Variants in GNG12 observed in about 807,000 individuals in gnomAD.
The protein encoded by GNG12 is G protein subunit gamma 12.
For missense variants in GNG12, 69 were observed against 83.8 expected (o/e 0.82, Z 0.69); for synonymous variants, 28 against 29.7 (o/e 0.94, Z 0.19).
chr1:67,753,725 G>T (rs1646552387), intron 2 of GNG12, among the ~76,000 whole-genome samples: 1 of 152,158 alleles, frequency 6.6e-6, no homozygotes, highest in South Asian at 2.1e-4. Flanking sequence ...TAAAGTGTTC[G>T]GTCAGTGGTG....
intron 2 of GNG12, among the ~76,000 whole-genome samples, chr1:67,729,466 C>A (rs754918865): frequency 1.3e-5 from 2 of 152,162 alleles, no homozygotes; most frequent in African/African-American, 4.8e-5. Context: ...CTGAGACCAC[C>A]ACCTTTGCCC....
intron 1 of GNG12, among the ~76,000 whole-genome samples, chr1:67,789,137 C>G (rs116632121): frequency 2.6e-5 from 4 of 152,126 alleles, no homozygotes; most frequent in Non-Finnish European, 5.9e-5. Flanking sequence ...ACATGGCCTT[C>G]GGTCTGCAGA....
chr1:67,820,872 G>T (rs1646980891), intron 1 of GNG12, among the ~76,000 whole-genome samples: 1 of 152,166 alleles, frequency 6.6e-6, no homozygotes, highest in African/African-American at 2.4e-5. Context: ...CTCAATTAGG[G>T]TTTAATAAAT....
chr1:67,807,329 AAAAG>A (rs1646899359), intron 1 of GNG12, among the ~76,000 whole-genome samples: 1 of 152,048 alleles, frequency 6.6e-6, no homozygotes, highest in Non-Finnish European at 1.5e-5. Flanking sequence ...ATATCAGAAA[AAAAG>A]AAAGATCTAA....
At chr1:67,787,036 A>AGTGTGT (rs56084524) in intron 1 of GNG12, among the ~76,000 whole-genome samples, 8,155 of 131,324 alleles carry the variant, frequency 0.062, 358 homozygotes, top group African/African-American at 0.1. Context: ...TATGTGTATA[A>AGTGTGT]GTGTGTGTGT....
chr1:67,740,874 A>G (rs147823248), intron 2 of GNG12, among the ~76,000 whole-genome samples: 2 of 152,198 alleles, frequency 1.3e-5, no homozygotes, highest in Non-Finnish European at 2.9e-5. Flanking sequence ...CACTGCTCCA[A>G]AACTGTGAGA....
intron 2 of GNG12, among the ~76,000 whole-genome samples, chr1:67,748,852 C>G (rs1307158738): frequency 1.3e-5 from 2 of 152,154 alleles, no homozygotes; most frequent in Non-Finnish European, 2.9e-5. Flanking sequence ...CTATTTGATC[C>G]TGCCCTGTAC....
intron 1 of GNG12, among the ~76,000 whole-genome samples, chr1:67,786,065 G>T (rs1279253781): frequency 6.6e-6 from 1 of 152,012 alleles, no homozygotes; most frequent in African/African-American, 2.4e-5. Flanking sequence ...TAACTAGGGA[G>T]AAAAATAATC....
intron 2 of GNG12, among the ~76,000 whole-genome samples, chr1:67,763,527 C>T (rs1338523156): frequency 1.3e-5 from 2 of 151,064 alleles, no homozygotes; most frequent in Non-Finnish European, 2.9e-5. Flanking sequence ...AATAAATATC[C>T]ATCACTTTTT....
chr1:67,780,103 G>A (rs80346050), intron 1 of GNG12, among the ~76,000 whole-genome samples: 4,137 of 152,224 alleles, frequency 0.027, 199 homozygotes, highest in African/African-American at 0.095. Context: ...TTCATTATGC[G>A]CATATGACTG....
chr1:67,724,628 G>A (rs772150848), intron 2 of GNG12, among the ~76,000 whole-genome samples: 7 of 152,218 alleles, frequency 4.6e-5, no homozygotes, highest in Non-Finnish European at 8.8e-5. Flanking sequence ...GACCTCAGGA[G>A]ATCCACACAC....
chr1:67,798,412 T>C (rs988930608), intron 1 of GNG12, among the ~76,000 whole-genome samples: 2 of 152,182 alleles, frequency 1.3e-5, no homozygotes, highest in South Asian at 2.1e-4. Context: ...TCCACGAAAC[T>C]GGTCCCTGGT....
rs190331107 is a variant in GNG12 at position 67,704,021 on chromosome 1, C to T, written c.*1430G>A. ...AAAGGCCTAGTGTATGATTTGACTC[C>T]GAAGTGACCCTCTCTTCTACTTTGA... On this transcript the variant is annotated 3_prime_UTR_variant, in exon 4 of 4. Coordinates refer to ENST00000370982, the MANE Select transcript of GNG12 (RefSeq NM_018841.6). 8.5e-4 allele frequency: 129 copies of T among 152,300 alleles called. 1 individual carries two copies. The highest frequency in any genetic ancestry group is 3.1e-3 in the African/African-American group (127 of 41,562). The allele number at this position is 152,300 out of a possible 1,614,324, so 9.4% of individuals were successfully genotyped here.
At chr1:67,768,376 A>G (rs1471808747) in intron 2 of GNG12, among the ~76,000 whole-genome samples, 2 of 152,214 alleles carry the variant, frequency 1.3e-5, no homozygotes, top group African/African-American at 2.4e-5. Flanking sequence ...TTTTGATACT[A>G]TAAAGAACTA....
intron 1 of GNG12, among the ~76,000 whole-genome samples, chr1:67,824,787 T>C (rs957570322): frequency 6.6e-6 from 1 of 152,132 alleles, no homozygotes; most frequent in African/African-American, 2.4e-5. Context: ...TAGGTTCTCA[T>C]GTGAAAGTCA....
intron 2 of GNG12, among the ~76,000 whole-genome samples, chr1:67,713,809 ACCTTC>A (rs1257646953): frequency 6.6e-6 from 1 of 152,196 alleles, no homozygotes; most frequent in East Asian, 1.9e-4. Flanking sequence ...AAACAGAAGC[ACCTTC>A]CCTTGCACAT....
intron 2 of GNG12, among the ~76,000 whole-genome samples, chr1:67,767,579 T>G (rs928005967): frequency 3.3e-5 from 5 of 152,200 alleles, no homozygotes; most frequent in Admixed American, 3.3e-4. Context: ...TGCACAAAGG[T>G]GCCAACTATA....
At chr1:67,797,224 T>C (rs1646836464) in intron 1 of GNG12, among the ~76,000 whole-genome samples, 2 of 152,186 alleles carry the variant, frequency 1.3e-5, no homozygotes, top group Non-Finnish European at 2.9e-5. Context: ...TATACCATCA[T>C]GAGTTAAAAA....
intron 2 of GNG12, among the ~76,000 whole-genome samples, chr1:67,718,758 C>G (rs1013893469): frequency 6.6e-6 from 1 of 152,138 alleles, no homozygotes; most frequent in African/African-American, 2.4e-5. Context: ...AGATATAGTA[C>G]CCCTTTCAGT....
Sources: allele counts gnomAD v4.1 joint callset (sites outside exome capture counted in the v4.1 genomes callset), GRCh38; gene constraint gnomAD v4.1.1; transcripts MANE v1.5; gene names NCBI Gene and HGNC (gene_info 2026-07-23, HGNC 2026-07-21).